Variants in TNC observed in about 807,000 individuals in gnomAD.
The protein encoded by TNC is tenascin C, also known as tenascin.
In TNC, 109 loss-of-function variants were observed where a neutral mutation model predicts 202.4. The ratio of observed to expected loss-of-function variants is 0.54; its 90% CI spans 0.46 to 0.63. The LOEUF is 0.63. Among genes scored for constraint, TNC ranks in the 30% least tolerant of loss-of-function variants. The pLI is 0.00. For synonymous variants in TNC, 1,007 were observed against 1,089.7 expected (o/e 0.92, Z 1.50); for missense variants, 2,756 against 2,833.3 (o/e 0.97, Z 0.62).
chr9:115,023,529 GC>G (rs1468326751), intron 27 of TNC, among the ~76,000 whole-genome samples: 1 of 152,166 alleles, frequency 6.6e-6, no homozygotes, highest in African/African-American at 2.4e-5. Flanking sequence ...AGGAAAGTCA[GC>G]TTTTTCTGGG....
intron 1 of TNC, among the ~76,000 whole-genome samples, chr9:115,098,036 T>A (rs979231761): frequency 5.3e-5 from 8 of 152,212 alleles, no homozygotes; most frequent in Non-Finnish European, 1.0e-4. Flanking sequence ...AAATACCTGG[T>A]ACATTTATGG....
intron 5 of TNC, among the ~76,000 whole-genome samples, 167 bp from the exon 6 acceptor site, chr9:115,082,095 A>T (rs1456339960): frequency 6.6e-6 from 1 of 152,254 alleles, no homozygotes. Flanking sequence ...TACAGAGATG[A>T]TAAAGACATT....
chr9:115,089,941 A>G (rs981080056), intron 2 of TNC, among the ~76,000 whole-genome samples: 1 of 152,216 alleles, frequency 6.6e-6, no homozygotes, highest in Non-Finnish European at 1.5e-5. Flanking sequence ...GGAGGATTAA[A>G]TGAGATAATA....
chr9:115,082,051 C>A, intron 5 of TNC, 123 bp from the exon 6 acceptor site: 2 of 892,404 alleles, frequency 2.2e-6, no homozygotes, highest in East Asian at 5.2e-5. Flanking sequence ...TAGGCACTTA[C>A]TATGCATCAG....
At position 115,040,936 on chromosome 9, in the gene TNC, C is replaced by T; in HGVS notation, c.5392+5G>A. The T allele has an allele frequency of 6.2e-7, 1 of 1,610,690 alleles. No individual in the cohort carries two copies. Among genetic ancestry groups the T allele is most frequent in the Non-Finnish European group, 8.5e-7 (1 of 1,178,114 alleles). ...ACACACACACACACAACCCCACCAA[C>T]TCACCTGTGGTGAATGACCCTGAGA... On this transcript the variant is annotated splice_donor_5th_base_variant and intron_variant, in intron 19 of 27. Coordinates refer to ENST00000350763, the MANE Select transcript of TNC (RefSeq NM_002160.4).
At chr9:115,038,810 CTTTTCTTTTCTTTGCTT>C (rs1015647780) in intron 19 of TNC, among the ~76,000 whole-genome samples, 13 of 151,704 alleles carry the variant, frequency 8.6e-5, no homozygotes, top group African/African-American at 2.2e-4. Flanking sequence ...TTTCTTTTCT[CTTTTCTTTTCTTTGCTT>C]TTTTCTTTTC....
rs777106584 is a variant in TNC, at chr9:115,087,097, T to C, written c.634A>G (p.Thr212Ala). 5 of 1,614,216 alleles carry C rather than the reference T, an allele frequency of 3.1e-6. No individual in the cohort carries two copies. In the Admixed American group the frequency reaches 6.7e-5, roughly 22 times the overall value. Residue 212 changes from threonine to alanine, a missense_variant, in exon 3 of 28, where the codon ACG becomes GCG. By Grantham distance (58) the Thr-to-Ala change is moderately conservative. Around this residue, in one of 2 missense-constraint regions of TNC, gnomAD observed 2,559 missense variants for 2,546.0 expected, o/e 1.01. Transcript: ENST00000350763. ...DGQCICDDGF[T>A]GEDCSQLACP... ...GCCAGCTGGCTGCAGTCCTCGCCCG[T>C]GAAGCCGTCGTCACAGATGCACTGC... is the stretch of plus-strand genomic sequence containing the variant.
intron 1 of TNC, among the ~76,000 whole-genome samples, chr9:115,100,359 T>A (rs184408368): frequency 6.6e-6 from 1 of 152,238 alleles, no homozygotes; most frequent in African/African-American, 2.4e-5. Context: ...ACAACACAAT[T>A]CTGAGGAGCC....
At position 115,024,275 on chromosome 9, in the gene TNC, T is replaced by G. The variant is rs576296201; in HGVS notation, c.6332-139A>C. 4 of 816,328 alleles carry G rather than the reference T, an allele frequency of 4.9e-6. No homozygotes were observed. In the East Asian group the frequency reaches 1.0e-4, roughly 21 times the overall value. 50.6% of individuals were successfully genotyped at this position (816,328 alleles called of 1,614,324 possible). On this transcript the variant is annotated intron_variant, in intron 26 of 27. Coordinates refer to ENST00000350763, the MANE Select transcript of TNC (RefSeq NM_002160.4). Reference sequence around the variant, plus strand: ...TTGAACATTGATCCCAGAGTCAGCATTGAATGCGGAACTGAATGGGACATG... The same window carrying G: ...TTGAACATTGATCCCAGAGTCAGCAGTGAATGCGGAACTGAATGGGACATG...
rs148818229 is a variant in TNC, at chr9:115,062,932, C to T, written c.4018G>A (p.Val1340Ile). The T allele has an allele frequency of 2.4e-5, 39 of 1,613,568 alleles. No homozygotes were observed. The African/African-American group carries it at 5.1e-4, about 21-fold the overall frequency. The change falls in exon 13 of 28, where the codon GTA (valine) becomes ATA (isoleucine). Residue 1340 changes from valine (V) to isoleucine (I), a missense_variant. This residue lies in a region of TNC where 2,559 missense variants were observed against 2,546.0 expected (regional missense o/e 1.01). Coordinates refer to ENST00000350763, the MANE Select transcript of TNC (RefSeq NM_002160.4). ...GGTCATATACCTGTGACGACCTCTA[C>T]AGCAAGGGGTCGAGTGCTGTGGCCC... ...VRGHSTRPLA[V>I]EVVTEDLPQL... is the part of the protein sequence containing the mutation.
At position 115,086,720 on chromosome 9, in the gene TNC, T is replaced by G. The variant is rs1382823503; in HGVS notation, c.1011A>C (p.Thr337=). 6.2e-7 allele frequency: 1 copy of G among 1,613,986 alleles called. No individual in the cohort carries two copies. Among genetic ancestry groups the G allele is most frequent in the African/African-American group, 1.3e-5 (1 of 75,038 alleles). ...NGTCYCEEGF[T]GEDCGKPTCP... ...AGGTGGGTTTCCCGCAGTCTTCACC[T>G]GTGAAGCCTTCTTCGCAGTAGCAGG... Residue 337 remains threonine, a synonymous_variant, in exon 3 of 28, where the codon ACA becomes ACC. Coordinates refer to ENST00000350763, the MANE Select transcript of TNC (RefSeq NM_002160.4).
chr9:115,048,422 C>A lies in TNC; in HGVS notation c.4690G>T (p.Val1564Leu), dbSNP rs529362727. The change falls in exon 16 of 28, where the codon GTG (valine) becomes TTG (leucine). Residue 1564 changes from valine (V) to leucine (L), a missense_variant. Transcript: ENST00000350763. ...NAFDSFLVTV[V>L]DSGKLLDPQE... The stretch of plus-strand genomic sequence containing the variant: ...GGGTCCAGCAGCTTCCCAGAATCCA[C>A]CACCGTTACTAGAAAGCTGTCAAAG... The A allele has an allele frequency of 2.5e-6, 4 of 1,614,014 alleles. No individual in the cohort carries two copies. Among genetic ancestry groups the A allele is most frequent in the South Asian group, 2.2e-5 (2 of 91,074 alleles).
At chr9:115,051,641 G>C (rs79936372) in intron 15 of TNC, among the ~76,000 whole-genome samples, 1 of 148,766 alleles carries the variant, frequency 6.7e-6, no homozygotes, top group African/African-American at 2.5e-5. Context: ...CTGCATCTGT[G>C]TTGTCAGTTT....
At chr9:115,047,240 C>CTTTTTTTTTTTTTTTTTTTTCTTTTTTTT (rs397975455) in intron 16 of TNC, among the ~76,000 whole-genome samples, 1 of 107,232 alleles carries the variant, frequency 9.3e-6, no homozygotes, top group Non-Finnish European at 1.9e-5. Flanking sequence ...CTACCCTTGA[C>CTTTTTTTTTTTTTTTTTTTTCTTTTTTTT]TTTTTTTTTT....
chr9:115,038,859 ACT>A (rs1440083827), intron 19 of TNC, among the ~76,000 whole-genome samples: 1 of 150,712 alleles, frequency 6.6e-6, no homozygotes, highest in Admixed American at 6.6e-5. Context: ...ACAGACTGTC[ACT>A]CTGTCGCCCA....
At chr9:115,115,991 A>T (rs1837434267) in intron 1 of TNC, among the ~76,000 whole-genome samples, 1 of 152,248 alleles carries the variant, frequency 6.6e-6, no homozygotes, top group Admixed American at 6.5e-5. Context: ...AAAATGATAA[A>T]CAGAGAAACT....
chr9:115,037,275 C>A (rs1451150958), intron 20 of TNC, among the ~76,000 whole-genome samples: 1 of 152,130 alleles, frequency 6.6e-6, no homozygotes, highest in Non-Finnish European at 1.5e-5. Flanking sequence ...CAATACCAAA[C>A]CATAAAATAT....
At chr9:115,048,630 TC>T (rs1221464373) in intron 15 of TNC, 98 bp from the exon 16 acceptor site, 1 of 1,230,888 alleles carries the variant, frequency 8.1e-7, no homozygotes, top group African/African-American at 1.5e-5. Context: ...CCCAAGTCCA[TC>T]ATTCAATTTG....
intron 8 of TNC, 48 bp from the exon 9 acceptor site, chr9:115,076,169 C>T (rs1054600736): frequency 3.2e-6 from 5 of 1,575,278 alleles, no homozygotes; most frequent in Non-Finnish European, 3.5e-6. Context: ...ATCAGAGAGA[C>T]TTTCAGAGGA....
Sources: allele counts gnomAD v4.1 joint callset (sites outside exome capture counted in the v4.1 genomes callset), GRCh38; gene constraint gnomAD v4.1.1; regional missense constraint gnomAD v4.1.1; transcripts MANE v1.5; gene names NCBI Gene and HGNC (gene_info 2026-07-23, HGNC 2026-07-21).